Variants in CASK observed in about 807,000 individuals in gnomAD.
CASK encodes peripheral plasma membrane protein CASK.
In CASK, 4 loss-of-function variants were observed where a neutral mutation model predicts 82.9. That is an observed-to-expected ratio of 0.05 (90% CI 0.02 to 0.11). The LOEUF (loss-of-function observed/expected upper bound fraction) is 0.11, where lower values mean the gene tolerates loss of function less well. Among genes scored for constraint, CASK ranks in the 10% least tolerant of loss-of-function variants. The probability of loss-of-function intolerance (pLI) is 1.00; values close to 1 mark genes in which losing one functional copy is unlikely to be tolerated. For synonymous variants in CASK, 259 were observed against 253.5 expected (o/e 1.02, Z -0.20); for missense variants, 358 against 720.9 (o/e 0.50, Z 5.76).
At chrX:41,572,399 CTTTG>C (rs951511216) in intron 15 of CASK, among the ~76,000 whole-genome samples, 19 of 111,534 alleles carry the variant, frequency 1.7e-4, no homozygotes, top group African/African-American at 5.9e-4. Context: ...TTCTGCCTTT[CTTTG>C]TATTATTTTT....
chrX:41,549,355 A>G (rs1319815639), intron 21 of CASK, among the ~76,000 whole-genome samples: 1 of 111,850 alleles, frequency 8.9e-6, no homozygotes, highest in African/African-American at 3.2e-5. Flanking sequence ...AGTCCTATTC[A>G]GGTCTTGGGG....
chrX:41,706,727 C>T (rs2067892964), intron 5 of CASK, among the ~76,000 whole-genome samples: 1 of 111,844 alleles, frequency 8.9e-6, no homozygotes, highest in African/African-American at 3.3e-5. Context: ...TCATAGTTCA[C>T]TGTAGCCTCA....
chrX:41,547,684 G>A (rs1220177837), intron 21 of CASK, among the ~76,000 whole-genome samples: 3 of 107,365 alleles, frequency 2.8e-5, no homozygotes, highest in Admixed American at 1.0e-4. Flanking sequence ...GGGCAGTGGC[G>A]CGATCTTGGC....
chrX:41,682,529 GAAAAAAAAAAA>G (rs869093187), intron 5 of CASK, among the ~76,000 whole-genome samples: 10 of 23,176 alleles, frequency 4.3e-4, no homozygotes, highest in African/African-American at 1.6e-3. Flanking sequence ...ACTGTCTCAG[GAAAAAAAAAAA>G]AAAAAAAAAA....
At chrX:41,643,923 C>G (rs1166455191) in intron 8 of CASK, among the ~76,000 whole-genome samples, 1 of 111,554 alleles carries the variant, frequency 9.0e-6, no homozygotes, top group Non-Finnish European at 1.9e-5. Flanking sequence ...TCATAAATAG[C>G]TCTTACTATT....
In CASK at chrX:41,923,069, CG is replaced by C; in HGVS notation, c.-82del. The C allele has an allele frequency of 1.1e-6, 1 of 916,408 alleles. No individual in the cohort carries two copies. Among genetic ancestry groups the C allele is most frequent in the Non-Finnish European group, 1.6e-6 (1 of 634,361 alleles). 75.5% of individuals were successfully genotyped at this position (916,408 alleles called of 1,213,427 possible). A position where few individuals can be genotyped will look rare whatever the true frequency, so the allele number is the denominator to read the frequency against. ...CGCCCAAGAGCTCAGTGCCCAGCCC[CG>C]GGATCGCCTCCTCCCCTCAGGACCC... On this transcript the variant is annotated 5_prime_UTR_variant, in exon 1 of 27. Coordinates refer to ENST00000378163, the MANE Select transcript of CASK (RefSeq NM_001367721.1).
chrX:41,585,052 G>C (rs899828273), intron 14 of CASK: 2 of 112,528 alleles, frequency 1.8e-5, no homozygotes, highest in African/African-American at 6.5e-5. Context: ...TCACTGGGAA[G>C]AGACCTGCTC....
intron 12 of CASK, among the ~76,000 whole-genome samples, chrX:41,602,891 G>A (rs747897140): frequency 1.1e-4 from 12 of 111,351 alleles, no homozygotes; most frequent in Non-Finnish European, 2.3e-4. Flanking sequence ...AAACAGATAT[G>A]GGAGGTTTTG....
At chrX:41,666,117 CAT>C (rs1475879141) in intron 6 of CASK, among the ~76,000 whole-genome samples, 1 of 112,051 alleles carries the variant, frequency 8.9e-6, no homozygotes, top group Non-Finnish European at 1.9e-5. Context: ...CTAACATTAA[CAT>C]ATGAAGAGAA....
intron 3 of CASK, among the ~76,000 whole-genome samples, chrX:41,747,839 A>G (rs1438265170): frequency 1.8e-5 from 2 of 112,593 alleles, no homozygotes; most frequent in African/African-American, 6.5e-5. Flanking sequence ...TACTAGGATA[A>G]TGATTATTTT....
chrX:41,730,974 G>A (rs2068386689), intron 5 of CASK, among the ~76,000 whole-genome samples: 1 of 111,926 alleles, frequency 8.9e-6, no homozygotes, highest in Non-Finnish European at 1.9e-5. Context: ...CAAAGTGTTG[G>A]GATTACAGGG....
chrX:41,854,202 A>C (rs746703157), intron 1 of CASK, among the ~76,000 whole-genome samples: 1 of 89,916 alleles, frequency 1.1e-5, no homozygotes, highest in Non-Finnish European at 2.2e-5. Flanking sequence ...TCCAGGGAAC[A>C]TGCGCGCGCG....
chrX:41,683,436 G>C (rs1344755268), intron 5 of CASK: 2 of 112,362 alleles, frequency 1.8e-5, no homozygotes, highest in African/African-American at 6.5e-5. Flanking sequence ...CTGAGTAGCT[G>C]GGACTATAGG....
intron 5 of CASK, among the ~76,000 whole-genome samples, chrX:41,709,322 G>C (rs1235040627): frequency 8.9e-6 from 1 of 111,839 alleles, no homozygotes; most frequent in Non-Finnish European, 1.9e-5. Context: ...AATGAAAACA[G>C]GGTACCTTTA....
At chrX:41,523,632 T>C in intron 26 of CASK, among the ~76,000 whole-genome samples, 1 of 112,239 alleles carries the variant, frequency 8.9e-6, no homozygotes, top group Middle Eastern at 4.6e-3. Flanking sequence ...GGTTTGGTAG[T>C]CTTCAGGGGC....
chrX:41,672,146 T>C (rs1056331375), intron 5 of CASK, among the ~76,000 whole-genome samples: 1 of 111,259 alleles, frequency 9.0e-6, no homozygotes, highest in African/African-American at 3.3e-5. Flanking sequence ...GATCTGCTTT[T>C]CCTCTCTGTG....
At position 41,517,046 on chromosome X, in the gene CASK, G is replaced by T. The variant is rs1452964510; in HGVS notation, c.*3374C>A. On this transcript the variant is annotated 3_prime_UTR_variant, in exon 27 of 27. Coordinates refer to ENST00000378163, the MANE Select transcript of CASK (RefSeq NM_001367721.1). ...AAATACAAGTGATTTAAAAACAAAA[G>T]AACTCTGCAGCGATCAGATCAAAGG... is the stretch of plus-strand genomic sequence containing the variant. The T allele has an allele frequency of 8.9e-6, 1 of 112,109 alleles. No homozygotes were observed. The highest frequency in any genetic ancestry group is 3.2e-5 in the African/African-American group (1 of 30,850). The allele number at this position is 112,109 out of a possible 1,213,427, so 9.2% of individuals were successfully genotyped here.
chrX:41,562,205 A>G (rs970845865), intron 16 of CASK: 4 of 112,637 alleles, frequency 3.6e-5, no homozygotes, highest in Admixed American at 2.8e-4. Flanking sequence ...GAGTTGTGAC[A>G]TGATAATATC....
chrX:41,688,746 G>A (rs1411204331), intron 5 of CASK, among the ~76,000 whole-genome samples: 1 of 110,682 alleles, frequency 9.0e-6, no homozygotes, highest in Non-Finnish European at 1.9e-5. Flanking sequence ...TGAGCGGGGG[G>A]AGGAAAACAT....
Sources: gnomAD v4.1 joint callset for allele counts (sites outside exome capture counted in the v4.1 genomes callset) on GRCh38, gnomAD v4.1.1 for gene constraint, MANE v1.5 for transcripts, NCBI Gene and HGNC (gene_info 2026-07-23, HGNC 2026-07-21) for gene names.